GPC6: variants seen among roughly 807,000 people sequenced by gnomAD.
The protein encoded by GPC6 is glypican-6.
Under a neutral mutation model 55.2 loss-of-function variants are expected in GPC6, and 14 were observed. The observed-to-expected ratio is 0.25, with a 90% confidence interval of 0.17 to 0.40. The LOEUF (loss-of-function observed/expected upper bound fraction) is 0.40, where lower values mean the gene tolerates loss of function less well. Ranked by LOEUF, GPC6 falls within the 10% of genes least tolerant of loss-of-function variation. The pLI, the probability that GPC6 is intolerant of heterozygous loss-of-function variation, is 1.00. For synonymous variants in GPC6, 278 were observed against 259.6 expected (o/e 1.07, Z -0.68); for missense variants, 641 against 708.5 (o/e 0.90, Z 1.08).
chr13:94,174,601 GAAA>G (rs972406721), intron 4 of GPC6, among the ~76,000 whole-genome samples: 4 of 151,960 alleles, frequency 2.6e-5, no homozygotes, highest in Non-Finnish European at 2.9e-5. Context: ...AAGCATGTAA[GAAA>G]AAAATACAGA....
intron 2 of GPC6, among the ~76,000 whole-genome samples, chr13:93,790,458 A>T (rs934299110): frequency 2.0e-5 from 3 of 152,138 alleles, no homozygotes; most frequent in Admixed American, 6.5e-5. Flanking sequence ...CTAGAAGGAA[A>T]CTCTTAGGTT....
At chr13:94,302,990 C>A (rs774109832) in intron 5 of GPC6, among the ~76,000 whole-genome samples, 1 of 152,220 alleles carries the variant, frequency 6.6e-6, no homozygotes, top group Non-Finnish European at 1.5e-5. Flanking sequence ...CCATCTGGAG[C>A]GGCAAGGGGC....
chr13:93,807,046 T>G (rs1375947957), intron 2 of GPC6, among the ~76,000 whole-genome samples: 5 of 152,222 alleles, frequency 3.3e-5, no homozygotes, highest in Admixed American at 1.3e-4. Context: ...GCAGCTCAAA[T>G]GAAACCATAA....
rs144497317 is a variant in GPC6 at position 94,043,165 on chromosome 13, A to T, written c.877+15271A>T. 1.2e-3 allele frequency among the ~76,000 whole-genome samples: 186 copies of T among 151,700 alleles called. 1 individual carries two copies. The highest frequency in any genetic ancestry group is 3.7e-3 in the African/African-American group (155 of 41,430). ...TGTATTTTTCCTGCATCAGTCCTAA[A>T]ACCTACCTGTTCTCCGGGGAGCACT... On this transcript the variant is annotated intron_variant, in intron 4 of 8. Coordinates refer to ENST00000377047, the MANE Select transcript of GPC6 (RefSeq NM_005708.5).
intron 5 of GPC6, among the ~76,000 whole-genome samples, chr13:94,302,041 T>C (rs948702034): frequency 2.6e-5 from 4 of 152,130 alleles, no homozygotes; most frequent in African/African-American, 9.7e-5. Flanking sequence ...ACTCAGAAAA[T>C]TGAGACGGTC....
At chr13:93,824,491 A>G (rs1397241409) in intron 2 of GPC6, among the ~76,000 whole-genome samples, 2 of 152,350 alleles carry the variant, frequency 1.3e-5, no homozygotes, top group East Asian at 1.9e-4. Flanking sequence ...CAGGGACAGA[A>G]CAGCAGAAGC....
At chr13:93,667,437 A>AT (rs199850025) in intron 2 of GPC6, among the ~76,000 whole-genome samples, 9,829 of 142,702 alleles carry the variant, frequency 0.069, 1,052 homozygotes, top group African/African-American at 0.23. Flanking sequence ...GAAGTTCTGG[A>AT]TTTTTTTTTT....
At chr13:93,679,828 CAA>C (rs11457336) in intron 2 of GPC6, among the ~76,000 whole-genome samples, 2 of 146,220 alleles carry the variant, frequency 1.4e-5, no homozygotes, top group Admixed American at 6.9e-5. Context: ...GTGTTATGAG[CAA>C]AAAAAAAAAA....
chr13:94,138,483 G>A (rs1667611250), intron 4 of GPC6, among the ~76,000 whole-genome samples: 1 of 152,008 alleles, frequency 6.6e-6, no homozygotes. Context: ...TCCAGGAAAG[G>A]CATAAACTTT....
chr13:93,421,163 T>C (rs79497921), intron 1 of GPC6, among the ~76,000 whole-genome samples: 3,045 of 152,148 alleles, frequency 0.02, 117 homozygotes, highest in African/African-American at 0.069. Context: ...GAAGTGACTT[T>C]CTGTGAGACT....
chr13:93,478,049 T>C (rs1465041837), intron 1 of GPC6, among the ~76,000 whole-genome samples: 1 of 152,142 alleles, frequency 6.6e-6, no homozygotes, highest in Non-Finnish European at 1.5e-5. Flanking sequence ...AGCCTGGTCA[T>C]TGGGCATTTT....
At chr13:93,362,084 G>T (rs1422259719) in intron 1 of GPC6, among the ~76,000 whole-genome samples, 3 of 152,164 alleles carry the variant, frequency 2.0e-5, no homozygotes, top group Non-Finnish European at 4.4e-5. Context: ...GATGCTCTGG[G>T]GTATGTTTTG....
At chr13:93,293,273 T>G (rs1878376733) in intron 1 of GPC6, among the ~76,000 whole-genome samples, 1 of 152,156 alleles carries the variant, frequency 6.6e-6, no homozygotes, top group African/African-American at 2.4e-5. Flanking sequence ...TATGCCTCTT[T>G]ACCTAACTTA....
intron 2 of GPC6, among the ~76,000 whole-genome samples, chr13:93,814,384 A>G (rs1886784845): frequency 6.6e-6 from 1 of 152,184 alleles, no homozygotes; most frequent in Non-Finnish European, 1.5e-5. Flanking sequence ...TGAAATTTAT[A>G]TTTAAGGATC....
At chr13:93,978,863 A>G (rs1418602957) in intron 3 of GPC6, among the ~76,000 whole-genome samples, 1 of 152,228 alleles carries the variant, frequency 6.6e-6, no homozygotes, top group Non-Finnish European at 1.5e-5. Context: ...AGCACTTTGA[A>G]TACATGAACT....
intron 1 of GPC6, among the ~76,000 whole-genome samples, chr13:93,390,223 G>A: frequency 6.6e-6 from 1 of 151,832 alleles, no homozygotes; most frequent in Non-Finnish European, 1.5e-5. Context: ...TTTCCAAACT[G>A]CCTTGTAGGA....
chr13:93,843,124 T>C (rs1334780856), intron 3 of GPC6, among the ~76,000 whole-genome samples: 2 of 151,956 alleles, frequency 1.3e-5, no homozygotes, highest in East Asian at 3.9e-4. Context: ...AAATTTTCTT[T>C]TACAACCTAA....
Position 93,705,805 on chromosome 13 carries a change from A to G in GPC6, c.320-124349A>G, listed in dbSNP as rs571393048. On this transcript the variant is annotated intron_variant, in intron 2 of 8. Coordinates refer to ENST00000377047, the MANE Select transcript of GPC6 (RefSeq NM_005708.5). Reference sequence around the variant, plus strand: ...TAGTTACTCTTCTGAATGCCCCAGCATCCTTTCTGTTTTTTTTTTTTTGTA... The same window carrying G: ...TAGTTACTCTTCTGAATGCCCCAGCGTCCTTTCTGTTTTTTTTTTTTTGTA... Among the ~76,000 whole-genome samples, 4 of 135,436 alleles carry G rather than the reference A, an allele frequency of 3.0e-5. No homozygotes were observed. In the South Asian group the frequency reaches 8.9e-4, roughly 30 times the overall value. 88.9% of individuals were successfully genotyped at this position (135,436 alleles called of 152,430 possible). A position where few individuals can be genotyped will look rare whatever the true frequency, so the allele number is the denominator to read the frequency against.
intron 3 of GPC6, among the ~76,000 whole-genome samples, chr13:93,942,826 A>G (rs963978620): frequency 6.6e-6 from 1 of 152,156 alleles, no homozygotes; most frequent in African/African-American, 2.4e-5. Context: ...TGTTACATGA[A>G]ATTAGCAGTA....
Sources: allele counts gnomAD v4.1 joint callset (sites outside exome capture counted in the v4.1 genomes callset), GRCh38; gene constraint gnomAD v4.1.1; transcripts MANE v1.5; gene names NCBI Gene and HGNC (gene_info 2026-07-23, HGNC 2026-07-21).